SND1: variants seen among roughly 807,000 people sequenced by gnomAD.
SND1 encodes staphylococcal nuclease domain-containing protein 1.
In SND1, 38 loss-of-function variants were observed where a neutral mutation model predicts 121.7. The ratio of observed to expected loss-of-function variants is 0.31; its 90% CI spans 0.24 to 0.41. The LOEUF (loss-of-function observed/expected upper bound fraction) is 0.41. Among genes scored for constraint, SND1 ranks in the 10% least tolerant of loss-of-function variants. The probability of loss-of-function intolerance (pLI) is 1.00; values close to 1 mark genes in which losing one functional copy is unlikely to be tolerated. For missense variants in SND1, 868 were observed against 1,184.6 expected (o/e 0.73, Z 3.92); for synonymous variants, 401 against 447.4 (o/e 0.90, Z 1.31).
intron 10 of SND1, among the ~76,000 whole-genome samples, chr7:127,780,896 T>C (rs888115183): frequency 2.6e-5 from 4 of 152,222 alleles, no homozygotes; most frequent in African/African-American, 7.2e-5. Flanking sequence ...GTGAATTCTT[T>C]ATGATTTTGG....
intron 16 of SND1, among the ~76,000 whole-genome samples, chr7:128,031,774 G>A (rs917649005): frequency 1.4e-5 from 2 of 145,540 alleles, no homozygotes; most frequent in South Asian, 2.1e-4. Context: ...GCGCGCAACC[G>A]CCCGTCGCCG....
chr7:128,077,070 G>A (rs1031793155), intron 17 of SND1, among the ~76,000 whole-genome samples: 4 of 152,164 alleles, frequency 2.6e-5, no homozygotes, highest in African/African-American at 9.7e-5. Flanking sequence ...TCTCACACAC[G>A]TGCTCAGCAG....
At chr7:127,707,462 G>C in intron 8 of SND1, 95 bp from the exon 9 acceptor site, 1 of 882,340 alleles carries the variant, frequency 1.1e-6, no homozygotes, top group Non-Finnish European at 1.9e-6. Context: ...ACATCTATAG[G>C]GTAGAGTAGG....
intron 15 of SND1, among the ~76,000 whole-genome samples, chr7:127,988,459 G>A (rs1359391297): frequency 6.6e-6 from 1 of 152,200 alleles, no homozygotes; most frequent in Non-Finnish European, 1.5e-5. Flanking sequence ...TCTACATGGA[G>A]TGACTGGGAT....
intron 17 of SND1, among the ~76,000 whole-genome samples, chr7:128,077,220 A>T (rs1793521094): frequency 6.6e-6 from 1 of 152,216 alleles, no homozygotes; most frequent in Non-Finnish European, 1.5e-5. Context: ...GTTAAACAGG[A>T]TTTAGAAAGG....
Position 127,670,040 on chromosome 7 carries a change from G to A in SND1, c.79-16573G>A, listed in dbSNP as rs184106159. On this transcript the variant is annotated intron_variant, in intron 1 of 23. Coordinates refer to ENST00000354725, the MANE Select transcript of SND1 (RefSeq NM_014390.4). ...GAGACAGAGTCTCTCACCCAGGCTGGAGTGCAGTGGCGTGATCTCGGCTTA... is the reference window on the plus strand; with the variant it reads ...GAGACAGAGTCTCTCACCCAGGCTGAAGTGCAGTGGCGTGATCTCGGCTTA... Among the ~76,000 whole-genome samples, 88 of 151,702 alleles carry A rather than the reference G, an allele frequency of 5.8e-4. No individual in the cohort carries two copies. In the Middle Eastern group the frequency reaches 0.01, roughly 18 times the overall value.
At chr7:127,658,718 G>A (rs1428909818) in intron 1 of SND1, among the ~76,000 whole-genome samples, 1 of 152,254 alleles carries the variant, frequency 6.6e-6, no homozygotes, top group Non-Finnish European at 1.5e-5. Flanking sequence ...AACATGAGTG[G>A]GAACTTCTGA....
At chr7:127,804,012 T>C (rs995003899) in intron 10 of SND1, among the ~76,000 whole-genome samples, 1 of 152,254 alleles carries the variant, frequency 6.6e-6, no homozygotes, top group Non-Finnish European at 1.5e-5. Context: ...TTCCTATTTT[T>C]ATTTTTTAAA....
intron 10 of SND1, among the ~76,000 whole-genome samples, chr7:127,789,550 C>T (rs1797873410): frequency 6.6e-6 from 1 of 152,174 alleles, no homozygotes; most frequent in Non-Finnish European, 1.5e-5. Context: ...GTAAGCTAAA[C>T]ATTCATGGTC....
intron 15 of SND1, among the ~76,000 whole-genome samples, chr7:127,956,548 G>A (rs1413858265): frequency 6.6e-6 from 1 of 152,214 alleles, no homozygotes; most frequent in African/African-American, 2.4e-5. Flanking sequence ...AGGAGACAGG[G>A]CTAGAGTGGT....
intron 12 of SND1, chr7:127,857,726 T>C (rs1212881216): frequency 1.7e-6 from 1 of 603,174 alleles, no homozygotes; most frequent in Non-Finnish European, 3.0e-6. Context: ...ACTAAAGGCT[T>C]TTATTGGGAA....
intron 9 of SND1, among the ~76,000 whole-genome samples, chr7:127,711,014 T>C (rs1375777729): frequency 1.3e-5 from 2 of 152,228 alleles, no homozygotes; most frequent in Non-Finnish European, 2.9e-5. Flanking sequence ...TTTACATACT[T>C]ATTTTAATTC....
chr7:127,707,617 G>C lies in SND1; in HGVS notation c.1008G>C (p.Leu336Phe), dbSNP rs752261919. The change falls in exon 9 of 24, where the codon TTG (leucine) becomes TTC (phenylalanine). Residue 336 changes from leucine to phenylalanine, a missense_variant. This residue lies in a region of SND1 where 743 missense variants were observed against 1,071.3 expected (regional missense o/e 0.69). Coordinates refer to ENST00000354725, the MANE Select transcript of SND1 (RefSeq NM_014390.4). ...WRDYVAPTAN[L>F]DQKDKQFVAK... ...ACTATGTGGCTCCCACAGCTAATTTGGACCAAAAGGACAAGCAGTTTGTTG... is the reference window on the plus strand; with the variant it reads ...ACTATGTGGCTCCCACAGCTAATTTCGACCAAAAGGACAAGCAGTTTGTTG... 2 of 1,613,924 alleles carry C rather than the reference G, an allele frequency of 1.2e-6. No individual in the cohort carries two copies. The highest frequency in any genetic ancestry group is 3.3e-5 in the Admixed American group (2 of 59,998).
chr7:128,014,823 T>G (rs1363848757), intron 16 of SND1, among the ~76,000 whole-genome samples: 3 of 152,122 alleles, frequency 2.0e-5, no homozygotes, highest in African/African-American at 7.2e-5. Flanking sequence ...AAATTCTAGC[T>G]CAAAGAATGC....
intron 10 of SND1, among the ~76,000 whole-genome samples, chr7:127,804,205 A>G (rs915830957): frequency 1.3e-5 from 2 of 152,174 alleles, no homozygotes; most frequent in African/African-American, 4.8e-5. Flanking sequence ...GTGGTTTCTC[A>G]GGGACTTCTA....
At chr7:127,907,511 C>G (rs892758486) in intron 14 of SND1, among the ~76,000 whole-genome samples, 1 of 152,118 alleles carries the variant, frequency 6.6e-6, no homozygotes, top group Admixed American at 6.6e-5. Context: ...AGATTGATCC[C>G]CCTCTTAGTT....
chr7:127,857,529 TTC>T (rs1799302447), intron 12 of SND1, among the ~76,000 whole-genome samples: 1 of 151,560 alleles, frequency 6.6e-6, no homozygotes, highest in Non-Finnish European at 1.5e-5. Context: ...TTCTTTTTTT[TTC>T]TTCGTAGCAC....
intron 2 of SND1, among the ~76,000 whole-genome samples, chr7:127,691,946 G>A (rs1467987515): frequency 6.6e-6 from 1 of 151,878 alleles, no homozygotes; most frequent in Non-Finnish European, 1.5e-5. Context: ...TACAGGCCCG[G>A]CCATATTTTG....
intron 12 of SND1, among the ~76,000 whole-genome samples, chr7:127,877,416 G>T (rs760501661): frequency 6.6e-6 from 1 of 151,860 alleles, no homozygotes; most frequent in Non-Finnish European, 1.5e-5. Context: ...TCCTCTGCCC[G>T]TTTGTTGTTC....
Sources: allele counts gnomAD v4.1 joint callset (sites outside exome capture counted in the v4.1 genomes callset), GRCh38; gene constraint gnomAD v4.1.1; regional missense constraint gnomAD v4.1.1; transcripts MANE v1.5; gene names NCBI Gene and HGNC (gene_info 2026-07-23, HGNC 2026-07-21).